Variants in TENM2 observed in about 807,000 individuals in gnomAD.
TENM2 encodes teneurin transmembrane protein 2.
In TENM2, 52 loss-of-function variants were observed where a neutral mutation model predicts 245.2. The ratio of observed to expected loss-of-function variants is 0.21; its 90% CI spans 0.17 to 0.27. TENM2 has a LOEUF of 0.27. TENM2 is among the 10% of genes least tolerant of loss of function. The pLI, the probability that TENM2 is intolerant of heterozygous loss-of-function variation, is 1.00. For synonymous variants in TENM2, 1,363 were observed against 1,438.9 expected, an observed-to-expected ratio of 0.95 and a Z score of 1.19; for missense variants, 3,046 against 3,666.8, an observed-to-expected ratio of 0.83 and a Z score of 4.37.
At chr5:167,375,272 G>A in exon 2 of TENM2, 12 of 1,551,698 alleles carry the variant, frequency 7.7e-6, no homozygotes, top group Non-Finnish European at 1.0e-5. Context: ...CTCCGACATG[G>A]GGATCCTTCA....
chr5:167,124,093 C>T, the TENM2 span, among the ~76,000 whole-genome samples: 1 of 152,202 alleles, frequency 6.6e-6, no homozygotes, highest in Non-Finnish European at 1.5e-5. Flanking sequence ...TCATTGCGTT[C>T]AAGTGAGGTG....
chr5:167,455,565 G>A (rs1245273792), intron 2 of TENM2, among the ~76,000 whole-genome samples: 1 of 150,812 alleles, frequency 6.6e-6, no homozygotes, highest in Non-Finnish European at 1.5e-5. Flanking sequence ...GATAGGGAAT[G>A]CATGTAATTC....
intron 27 of TENM2, among the ~76,000 whole-genome samples, chr5:168,250,102 GAGT>G: frequency 6.9e-6 from 1 of 144,590 alleles, no homozygotes. Flanking sequence ...CTGGCTGGAT[GAGT>G]GGATGGATGG....
At chr5:167,723,370 G>A (rs1406702003) in intron 2 of TENM2, among the ~76,000 whole-genome samples, 2 of 152,056 alleles carry the variant, frequency 1.3e-5, no homozygotes, top group Non-Finnish European at 2.9e-5. Context: ...GGAATGTACC[G>A]AATTCTCCAG....
the TENM2 span, among the ~76,000 whole-genome samples, chr5:167,023,106 G>T: frequency 6.6e-6 from 1 of 152,090 alleles, no homozygotes; most frequent in African/African-American, 2.4e-5. Context: ...CCCCTTCTGA[G>T]AATTTTAGCT....
intron 3 of TENM2, among the ~76,000 whole-genome samples, chr5:167,890,226 A>C (rs1774636191): frequency 6.6e-6 from 1 of 152,156 alleles, no homozygotes; most frequent in African/African-American, 2.4e-5. Flanking sequence ...ACTGAGAACT[A>C]GGCACGACAC....
At chr5:167,660,517 G>T (rs1755141826) in intron 2 of TENM2, 1 of 149,718 alleles carries the variant, frequency 6.7e-6, no homozygotes, top group South Asian at 2.1e-4. Context: ...ATTAAATGTG[G>T]TGGTCAAATT....
intron 2 of TENM2, among the ~76,000 whole-genome samples, chr5:167,827,621 A>AG (rs1436154694): frequency 2.6e-3 from 2 of 766 alleles, no homozygotes; most frequent in Non-Finnish European, 8.2e-3. Context: ...GCAAGGAGCT[A>AG]GGTGGGCGGG....
chr5:168,030,665 A>C (rs1440483475), intron 5 of TENM2, among the ~76,000 whole-genome samples: 5 of 152,154 alleles, frequency 3.3e-5, no homozygotes, highest in African/African-American at 1.2e-4. Flanking sequence ...ACCTAGCACA[A>C]CACCAGGCAC....
intron 9 of TENM2, among the ~76,000 whole-genome samples, chr5:168,102,806 A>G (rs1793927032): frequency 6.6e-6 from 1 of 152,208 alleles, no homozygotes; most frequent in African/African-American, 2.4e-5. Context: ...TAAGTACTCA[A>G]TATGCATCAG....
chr5:167,926,329 T>C (rs960843395), intron 3 of TENM2, among the ~76,000 whole-genome samples: 1 of 152,182 alleles, frequency 6.6e-6, no homozygotes, highest in African/African-American at 2.4e-5. Flanking sequence ...CCTCAACTTG[T>C]CATTGTAAAA....
At chr5:166,996,707 T>C in the TENM2 span, among the ~76,000 whole-genome samples, 1 of 152,228 alleles carries the variant, frequency 6.6e-6, no homozygotes, top group Non-Finnish European at 1.5e-5. Context: ...TTTTGGATTC[T>C]TAACTATGTG....
rs548238769 is a variant in TENM2 at position 167,358,377 on chromosome 5, ACTCC to A, written c.227-16816_227-16813del. ...TCAGCAACATTTGCAACAGTTAATC[ACTCC>A]CTCCTCTTTGACATACTTTCTTCAT... is the stretch of plus-strand genomic sequence containing the variant. On this transcript the variant is annotated intron_variant, in intron 1 of 28. Transcript: ENST00000518659. Among the ~76,000 whole-genome samples the A allele has an allele frequency of 2.8e-4, 43 of 151,464 alleles. 1 individual carries two copies. In the South Asian group the frequency reaches 8.8e-3, roughly 31 times the overall value.
chr5:167,962,278 T>A (rs2151890204), intron 4 of TENM2, among the ~76,000 whole-genome samples: 1 of 149,676 alleles, frequency 6.7e-6, no homozygotes, highest in Middle Eastern at 3.4e-3. Context: ...GCCAAAACCT[T>A]GACATCCATC....
At chr5:167,455,822 CA>C (rs1022709127) in intron 2 of TENM2, among the ~76,000 whole-genome samples, 6 of 152,088 alleles carry the variant, frequency 3.9e-5, no homozygotes, top group Non-Finnish European at 5.9e-5. Context: ...TTTCAAAAGA[CA>C]CCCAGCTGCT....
At chr5:167,783,072 GC>G (rs1764306379) in intron 2 of TENM2, among the ~76,000 whole-genome samples, 2 of 151,996 alleles carry the variant, frequency 1.3e-5, no homozygotes, top group South Asian at 4.1e-4. Flanking sequence ...GGAAGGGGTT[GC>G]TTAATTTTTA....
the TENM2 span, among the ~76,000 whole-genome samples, chr5:167,089,305 A>G: frequency 6.6e-6 from 1 of 152,238 alleles, no homozygotes; most frequent in Non-Finnish European, 1.5e-5. Flanking sequence ...GTGATAGCAT[A>G]TAACACTTAA....
intron 7 of TENM2, among the ~76,000 whole-genome samples, chr5:168,073,560 G>A (rs562334317): frequency 1.3e-5 from 2 of 152,174 alleles, no homozygotes; most frequent in Non-Finnish European, 2.9e-5. Flanking sequence ...TGACCTAGGG[G>A]GGCAGCCCCT....
the TENM2 span, among the ~76,000 whole-genome samples, chr5:167,206,823 T>C: frequency 6.6e-6 from 1 of 152,172 alleles, no homozygotes; most frequent in African/African-American, 2.4e-5. Flanking sequence ...AAACACTTGA[T>C]TAGCAGTGAC....
Sources: gnomAD v4.1 joint callset for allele counts (sites outside exome capture counted in the v4.1 genomes callset) on GRCh38, gnomAD v4.1.1 for gene constraint, MANE v1.5 for transcripts, NCBI Gene and HGNC (gene_info 2026-07-23, HGNC 2026-07-21) for gene names.